The following SH3BGR variants were observed in gnomAD, a reference collection of about 807,000 sequenced individuals.
The protein encoded by SH3BGR is SH3 domain-binding glutamic acid-rich protein.
A neutral mutation model predicts 24.5 loss-of-function variants in SH3BGR; 29 were observed. That is an observed-to-expected ratio of 1.18 (90% CI 0.88 to 1.61). The LOEUF is 1.61. Among genes scored for constraint, SH3BGR ranks in the 40% most tolerant of loss-of-function variants. The pLI, the probability that SH3BGR is intolerant of heterozygous loss-of-function variation, is 0.00. For synonymous variants in SH3BGR, 55 were observed against 65.7 expected (o/e 0.84, Z 0.79); for missense variants, 162 against 205.8 (o/e 0.79, Z 1.30).
At chr21:39,451,864 CAG>C (rs764503689), upstream of SH3BGR, 37 of 1,596,600 alleles carry the variant, frequency 2.3e-5, no homozygotes, top group Non-Finnish European at 3.1e-5. Context: ...ATTTTCCTGA[CAG>C]ATCCCAAAAT....
chr21:39,514,729 C>A (rs953385064), intron 6 of SH3BGR, among the ~76,000 whole-genome samples: 14 of 152,158 alleles, frequency 9.2e-5, no homozygotes, highest in African/African-American at 3.1e-4. Flanking sequence ...TTCTACCTCC[C>A]CAAAGCTTGC....
chr21:39,487,799 AT>A (rs1308367631), intron 3 of SH3BGR, among the ~76,000 whole-genome samples: 2 of 152,220 alleles, frequency 1.3e-5, no homozygotes, highest in Admixed American at 1.3e-4. Flanking sequence ...TATTGAAAGC[AT>A]TTTTGAGTAA....
At chr21:39,461,793 C>T (rs983627757) in intron 1 of SH3BGR, among the ~76,000 whole-genome samples, 46 of 152,210 alleles carry the variant, frequency 3.0e-4, no homozygotes, top group African/African-American at 1.1e-3. Flanking sequence ...ATGGAGTCTT[C>T]TAAAGCCCAA....
intron 3 of SH3BGR, among the ~76,000 whole-genome samples, chr21:39,488,054 A>G (rs927241195): frequency 6.6e-6 from 1 of 152,186 alleles, no homozygotes; most frequent in Non-Finnish European, 1.5e-5. Context: ...AAAGGGTATG[A>G]TATCTCACCA....
At chr21:39,498,071 A>C (rs564029828) in intron 3 of SH3BGR, among the ~76,000 whole-genome samples, 2 of 152,378 alleles carry the variant, frequency 1.3e-5, no homozygotes, top group East Asian at 3.8e-4. Flanking sequence ...ATTCAATAGG[A>C]TCAATCATAT....
At chr21:39,454,824 C>T (rs1302261928) in intron 1 of SH3BGR, among the ~76,000 whole-genome samples, 4 of 152,298 alleles carry the variant, frequency 2.6e-5, no homozygotes, top group South Asian at 4.1e-4. Context: ...CTAGATGGCC[C>T]GTGTGACAGT....
intron 1 of SH3BGR, among the ~76,000 whole-genome samples, chr21:39,458,924 G>C (rs1195976463): frequency 1.3e-5 from 2 of 152,104 alleles, no homozygotes; most frequent in Non-Finnish European, 2.9e-5. Context: ...TAGGATTACA[G>C]GCCTGAGCCA....
intron 2 of SH3BGR, 88 bp downstream of exon 2, chr21:39,462,648 A>C (rs1190767001): frequency 1.1e-6 from 1 of 876,510 alleles, no homozygotes; most frequent in South Asian, 2.3e-5. Context: ...CAGCATTTGA[A>C]ATTATTCACA....
chr21:39,489,979 C>T (rs1251850845), intron 3 of SH3BGR, among the ~76,000 whole-genome samples: 1 of 152,064 alleles, frequency 6.6e-6, no homozygotes, highest in Non-Finnish European at 1.5e-5. Flanking sequence ...ATATCCATTA[C>T]AAGGATTCTG....
At chr21:39,455,656 G>A (rs78603859) in intron 1 of SH3BGR, among the ~76,000 whole-genome samples, 29,056 of 152,112 alleles carry the variant, frequency 0.19, 2,940 homozygotes, top group Middle Eastern at 0.27. Context: ...TGCTAGAGCC[G>A]GGGCACAGGG....
At chr21:39,451,969 C>T (rs749732678), upstream of SH3BGR, 15 of 1,614,162 alleles carry the variant, frequency 9.3e-6, no homozygotes, top group Non-Finnish European at 1.1e-5. Context: ...TGCCGGAGCC[C>T]AGTGGACCCC....
chr21:39,483,997 T>C (rs2078170383), intron 3 of SH3BGR, among the ~76,000 whole-genome samples: 1 of 152,188 alleles, frequency 6.6e-6, no homozygotes, highest in Non-Finnish European at 1.5e-5. Context: ...TTTCATTCAG[T>C]GAAGTCATAC....
chr21:39,503,662 T>C (rs2078534397), intron 4 of SH3BGR, among the ~76,000 whole-genome samples: 1 of 152,182 alleles, frequency 6.6e-6, no homozygotes, highest in Non-Finnish European at 1.5e-5. Flanking sequence ...ATGTTTGACA[T>C]TGATTAAAAA....
chr21:39,452,532 G>A (rs965767755), intron 1 of SH3BGR, among the ~76,000 whole-genome samples: 4 of 152,090 alleles, frequency 2.6e-5, no homozygotes, highest in East Asian at 1.9e-4. Context: ...TGTTTGGAGC[G>A]GATGATGAAC....
chr21:39,503,777 G>A (rs555377272), intron 4 of SH3BGR, among the ~76,000 whole-genome samples: 3 of 152,304 alleles, frequency 2.0e-5, no homozygotes, highest in African/African-American at 4.8e-5. Flanking sequence ...ATGCCAAGAT[G>A]TAAATTCTGT....
chr21:39,502,112 G>T (rs146585042), intron 4 of SH3BGR, among the ~76,000 whole-genome samples: 5,152 of 152,306 alleles, frequency 0.034, 91 homozygotes, highest in Middle Eastern at 0.071. Flanking sequence ...GGCAGAGTTT[G>T]CAGTGAGCTG....
chr21:39,471,298 T>C (rs1056167343), intron 2 of SH3BGR, among the ~76,000 whole-genome samples: 5 of 152,124 alleles, frequency 3.3e-5, no homozygotes, highest in African/African-American at 1.2e-4. Context: ...TTATTAGTAA[T>C]TGGCCAGGCG....
chr21:39,474,601 C>T lies in SH3BGR; in HGVS notation c.232-534C>T, dbSNP rs750357958. ...CTTCATTGAGCATCAGATTTCAATCCACTACCAAGTTTCCAATCACTCCAG... is the reference window on the plus strand; with the variant it reads ...CTTCATTGAGCATCAGATTTCAATCTACTACCAAGTTTCCAATCACTCCAG... On this transcript the variant is annotated intron_variant, in intron 2 of 6. Transcript: ENST00000333634. Among the ~76,000 whole-genome samples the T allele has an allele frequency of 2.6e-5, 4 of 152,224 alleles. No individual in the cohort carries two copies. In the East Asian group the frequency reaches 7.7e-4, roughly 29 times the overall value.
intron 3 of SH3BGR, among the ~76,000 whole-genome samples, chr21:39,497,527 T>C (rs1289444465): frequency 3.9e-5 from 6 of 151,916 alleles, no homozygotes; most frequent in Non-Finnish European, 2.9e-5. Flanking sequence ...GAGGAAAACA[T>C]TTGTAACATG....
Sources: allele counts gnomAD v4.1 joint callset (sites outside exome capture counted in the v4.1 genomes callset), GRCh38; gene constraint gnomAD v4.1.1; transcripts MANE v1.5; gene names NCBI Gene and HGNC (gene_info 2026-07-23, HGNC 2026-07-21).